Variants in ARSH observed in about 807,000 individuals in gnomAD.
The protein encoded by ARSH is arylsulfatase family member H, also known as arylsulfatase H.
In ARSH, 32 loss-of-function variants were observed where a neutral mutation model predicts 28.7. The ratio of observed to expected loss-of-function variants is 1.11; its 90% CI spans 0.84 to 1.50. ARSH has a LOEUF of 1.50. ARSH is among the 40% of genes most tolerant of loss of function. ARSH has a pLI of 0.00. For missense variants in ARSH, 440 were observed against 452.4 expected (o/e 0.97, Z 0.25); for synonymous variants, 176 against 177.3 (o/e 0.99, Z 0.06).
intron 5 of ARSH, among the ~76,000 whole-genome samples, chrX:3,019,823 A>G (rs1422772620): frequency 1.8e-5 from 2 of 111,534 alleles, no homozygotes; most frequent in Admixed American, 9.6e-5. Context: ...AGTGAGCTAT[A>G]AAATACTAGT....
intron 3 of ARSH, among the ~76,000 whole-genome samples, chrX:3,014,621 G>A (rs2089860481): frequency 9.0e-6 from 1 of 111,403 alleles, no homozygotes; most frequent in South Asian, 3.8e-4. Context: ...CCAAGACATC[G>A]ATTCTGCCCT....
chrX:3,008,585 T>C (rs2147451066), intron 1 of ARSH, among the ~76,000 whole-genome samples: 1 of 106,586 alleles, frequency 9.4e-6, no homozygotes, highest in East Asian at 2.9e-4. Context: ...GATCTCATTC[T>C]GTCATCCAGA....
At chrX:3,020,542 T>C (rs1334579609) in intron 5 of ARSH, among the ~76,000 whole-genome samples, 1 of 96,788 alleles carries the variant, frequency 1.0e-5, no homozygotes, top group Non-Finnish European at 2.0e-5. Context: ...TGAGCCGAGA[T>C]TGTGCCACTG....
chrX:3,013,888 T>C (rs752098579), intron 3 of ARSH, among the ~76,000 whole-genome samples: 1 of 111,659 alleles, frequency 9.0e-6, no homozygotes, highest in South Asian at 3.8e-4. Flanking sequence ...ATTCTCTAGA[T>C]TAGCTTTGAG....
intron 2 of ARSH, among the ~76,000 whole-genome samples, chrX:3,010,870 C>T (rs1014581444): frequency 1.8e-5 from 2 of 111,583 alleles, no homozygotes; most frequent in African/African-American, 3.3e-5. Context: ...TTTTAGTATA[C>T]CTGCCTTCAC....
At chrX:3,026,259 G>A (rs1330922395) in intron 6 of ARSH, among the ~76,000 whole-genome samples, 1 of 110,480 alleles carries the variant, frequency 9.1e-6, no homozygotes, top group African/African-American at 3.3e-5. Flanking sequence ...CTATGATTGC[G>A]CCACTGCACT....
In ARSH at chrX:3,015,109, C is replaced by T. The variant is rs754814336; in HGVS notation, c.480C>T (p.His160=). The T allele has an allele frequency of 3.3e-6, 4 of 1,210,021 alleles. No homozygotes were observed. The East Asian group carries it at 1.2e-4, about 36-fold the overall frequency. The stretch of plus-strand genomic sequence containing the variant: ...AGGCATCCAAGACACCAGAACTGCA[C>T]CGCTGGCTCAGGATCAAACTGTGGA... The part of the protein sequence containing the change: ...DCQASKTPEL[H]RWLRIKLWIS... Residue 160 remains histidine (H), a synonymous_variant, in exon 4 of 9, where the codon CAC becomes CAT. Transcript: ENST00000381130.
intron 5 of ARSH, among the ~76,000 whole-genome samples, chrX:3,020,005 G>C (rs1157170841): frequency 9.1e-6 from 1 of 109,557 alleles, no homozygotes; most frequent in African/African-American, 3.3e-5. Context: ...ACAGAGAGGG[G>C]CCAGGCGTGG....
chrX:3,009,759 A>G (rs778584863), intron 1 of ARSH, among the ~76,000 whole-genome samples: 8 of 111,425 alleles, frequency 7.2e-5, no homozygotes, highest in African/African-American at 2.6e-4. Flanking sequence ...ATTGAAATAC[A>G]TTTTTTTCTC....
chrX:3,019,796 C>T, intron 5 of ARSH, among the ~76,000 whole-genome samples: 1 of 111,132 alleles, frequency 9.0e-6, no homozygotes. Flanking sequence ...TTTCTTTTCT[C>T]TGAAAACCAC....
intron 2 of ARSH, among the ~76,000 whole-genome samples, chrX:3,012,597 AT>A (rs1569122686): frequency 1.4e-4 from 4 of 29,612 alleles, no homozygotes; most frequent in Non-Finnish European, 2.3e-4. Flanking sequence ...ATATATATAT[AT>A]AATATATATA....
chrX:3,007,518 G>C (rs1032401474), intron 1 of ARSH, among the ~76,000 whole-genome samples: 1 of 111,906 alleles, frequency 8.9e-6, no homozygotes, highest in Non-Finnish European at 1.9e-5. Context: ...GATAACATCA[G>C]CTTATTCTCT....
chrX:3,015,814 C>A (rs1381145987), intron 4 of ARSH, among the ~76,000 whole-genome samples: 3 of 108,728 alleles, frequency 2.8e-5, no homozygotes, highest in African/African-American at 1.0e-4. Context: ...GACCCTGTAT[C>A]GAAAATAAAA....
chrX:3,009,709 AT>A (rs1333352212), intron 1 of ARSH, among the ~76,000 whole-genome samples: 1 of 111,118 alleles, frequency 9.0e-6, no homozygotes, highest in Non-Finnish European at 1.9e-5. Context: ...TTACCCATTA[AT>A]TTTAGGTCCT....
intron 5 of ARSH, among the ~76,000 whole-genome samples, chrX:3,019,760 A>C (rs764330830): frequency 9.0e-6 from 1 of 111,398 alleles, no homozygotes; most frequent in African/African-American, 3.3e-5. Flanking sequence ...AGGGGTGTTA[A>C]TCAATCACAT....
rs763809288 is a variant in ARSH at position 3,029,395 on chromosome X, G to A, written c.1321+27G>A. 2.8e-5 allele frequency: 33 copies of A among 1,193,594 alleles called. No homozygotes were observed. The Middle Eastern group carries it at 1.9e-3, about 67-fold the overall frequency. On this transcript the variant is annotated intron_variant, in intron 8 of 8. Coordinates refer to ENST00000381130, the MANE Select transcript of ARSH (RefSeq NM_001011719.2). ...TAAGTATGAAGGCTGTGGACACGTG[G>A]AAAGACGATAAGGGCCCGGTTCCGG...
intron 5 of ARSH, among the ~76,000 whole-genome samples, chrX:3,022,163 TACAG>T (rs1269364390): frequency 1.8e-5 from 2 of 111,593 alleles, no homozygotes; most frequent in Admixed American, 9.7e-5. Context: ...TTAGACACTA[TACAG>T]ACAATTATTT....
At chrX:3,008,213 A>G (rs747909836) in intron 1 of ARSH, among the ~76,000 whole-genome samples, 8 of 112,044 alleles carry the variant, frequency 7.1e-5, no homozygotes, top group Admixed American at 9.5e-5. Flanking sequence ...CATACACCAC[A>G]TTAGTCTACA....
At position 3,029,355 on chromosome X, in the gene ARSH, G is replaced by A. The variant is rs747774493; in HGVS notation, c.1308G>A (p.Trp436Ter). ...GGGTCTATCTGCACACGGTCAGGTG[G>A]CATCAGAAGGACTGTAAGTATGAAG... ...YCGVYLHTVR[W>*]HQKDCATVWK... Residue 436 changes from tryptophan to a stop codon, truncating the protein, a stop_gained, in exon 8 of 9, where the codon TGG (tryptophan) becomes TGA (stop). Transcript: ENST00000381130. LOFTEE classifies it low-confidence loss of function (END_TRUNC). The A allele has an allele frequency of 1.7e-6, 2 of 1,207,548 alleles. No individual in the cohort carries two copies. The highest frequency in any genetic ancestry group is 5.9e-5 in the East Asian group (2 of 33,660).
Sources: gnomAD v4.1 joint callset for allele counts (sites outside exome capture counted in the v4.1 genomes callset) on GRCh38, gnomAD v4.1.1 for gene constraint, MANE v1.5 for transcripts, NCBI Gene and HGNC (gene_info 2026-07-23, HGNC 2026-07-21) for gene names.